IKZF1: variants seen among roughly 807,000 people sequenced by gnomAD.
IKZF1 encodes the protein DNA-binding protein Ikaros.
Under a neutral mutation model 51.7 loss-of-function variants are expected in IKZF1, and 10 were observed. The observed-to-expected ratio is 0.19, with a 90% CI of 0.12 to 0.33. The LOEUF is 0.33. Ranked by LOEUF, IKZF1 falls within the 10% of genes least tolerant of loss-of-function variation. The pLI is 1.00. For missense variants in IKZF1, 484 were observed against 707.5 expected, an observed-to-expected ratio of 0.68 and a Z score of 3.58; for synonymous variants, 280 against 282.3, an observed-to-expected ratio of 0.99 and a Z score of 0.08.
chr7:50,311,368 T>C (rs1164413042), intron 1 of IKZF1, among the ~76,000 whole-genome samples: 2 of 152,256 alleles, frequency 1.3e-5, no homozygotes, highest in Non-Finnish European at 2.9e-5. Flanking sequence ...ATGTAGATTT[T>C]GTAGATCTTG....
chr7:50,379,568 G>T (rs764452326), intron 4 of IKZF1, among the ~76,000 whole-genome samples: 4 of 152,200 alleles, frequency 2.6e-5, no homozygotes, highest in Non-Finnish European at 5.9e-5. Context: ...GAGGTAGGAA[G>T]GAAGCAGGAA....
rs144022871 is a variant in IKZF1, at chr7:50,330,891, G to A, written c.160+3134G>A. Among the ~76,000 whole-genome samples, 243 of 152,248 alleles carry A rather than the reference G, an allele frequency of 1.6e-3. 1 individual carries two copies. The highest frequency in any genetic ancestry group is 5.7e-3 in the African/African-American group (237 of 41,550). ...GAAATGCAGGGTGAGCAGCAGGGGC[G>A]GAGAGTGCCCTGTGGGTAAGGCACA... is the stretch of plus-strand genomic sequence containing the variant. On this transcript the variant is annotated intron_variant, in intron 3 of 7. Transcript: ENST00000331340.
rs190721675 is a variant in IKZF1 at position 50,404,224 on chromosome 7, C to G, written c.*3597C>G. 7.8e-5 allele frequency: 17 copies of G among 217,122 alleles called. No individual in the cohort carries two copies. In the Admixed American group the frequency reaches 9.9e-4, roughly 13 times the overall value. The allele number at this position is 217,122 out of a possible 1,614,324, so 13.4% of individuals were successfully genotyped here. A position where few individuals can be genotyped will look rare whatever the true frequency, so the allele number is the denominator to read the frequency against. ...GTCGAATCTGTTGTATCCAGTACAGCTTTAGGTCTTCAGCTGCCCTTCTGG... is the reference window on the plus strand; with the variant it reads ...GTCGAATCTGTTGTATCCAGTACAGGTTTAGGTCTTCAGCTGCCCTTCTGG... On this transcript the variant is annotated 3_prime_UTR_variant, in exon 8 of 8. Transcript: ENST00000331340.
chr7:50,401,436 C>T lies in IKZF1; in HGVS notation c.*809C>T, dbSNP rs879479483. 2.2e-5 allele frequency: 5 copies of T among 226,138 alleles called. No homozygotes were observed. In the Admixed American group the frequency reaches 2.3e-4, roughly 10 times the overall value. 14.0% of individuals were successfully genotyped at this position (226,138 alleles called of 1,614,324 possible). On this transcript the variant is annotated 3_prime_UTR_variant, in exon 8 of 8. Coordinates refer to ENST00000331340, the MANE Select transcript of IKZF1 (RefSeq NM_006060.6). ...TGGGCATATCTGGGGAGCCCTGTTC[C>T]CCGCTTTTTCACTCCCATACCTTTA... is the stretch of plus-strand genomic sequence containing the variant.
chr7:50,376,612 G>A lies in IKZF1; in HGVS notation c.240G>A (p.Glu80=), dbSNP rs1200615398. Reference sequence around the variant, plus strand: ...AAATGAATGGGGAAGAATGTGCGGAGGATTTACGAATGCTTGATGCCTCGG... The same window carrying A: ...AAATGAATGGGGAAGAATGTGCGGAAGATTTACGAATGCTTGATGCCTCGG... The part of the protein sequence containing the change: ...ACEMNGEECA[E]DLRMLDASGE... Residue 80 remains glutamate (E), a synonymous_variant, in exon 4 of 8, where the codon GAG becomes GAA. Coordinates refer to ENST00000331340, the MANE Select transcript of IKZF1 (RefSeq NM_006060.6). The surrounding 1 kb of genome is among the most constrained non-coding windows in gnomAD (Gnocchi z 4.5). 2.5e-6 allele frequency: 4 copies of A among 1,613,972 alleles called. No individual in the cohort carries two copies. The highest frequency in any genetic ancestry group is 1.7e-5 in the Admixed American group (1 of 60,010).
At chr7:50,399,799 C>G in intron 7 of IKZF1, 119 bp from the exon 8 acceptor site, 1 of 1,440,154 alleles carries the variant, frequency 6.9e-7, no homozygotes, top group Admixed American at 2.7e-5. Flanking sequence ...CGCAGGCGTG[C>G]TGGGCCCCCA....
intron 3 of IKZF1, among the ~76,000 whole-genome samples, chr7:50,343,292 A>G (rs1799542336): frequency 1.5e-5 from 2 of 137,338 alleles, no homozygotes; most frequent in African/African-American, 2.8e-5. Flanking sequence ...TCTTTTCTCC[A>G]TCCCTTTCTT....
In IKZF1 at chr7:50,401,503, C is replaced by T. The variant is rs1818122195; in HGVS notation, c.*876C>T. ...GTCACTACAATTTAAACACCAGTCC[C>T]GAAATTTGGATCTTCTTTCTTTTTG... On this transcript the variant is annotated 3_prime_UTR_variant, in exon 8 of 8. Coordinates refer to ENST00000331340, the MANE Select transcript of IKZF1 (RefSeq NM_006060.6). 1 of 223,730 alleles carries T rather than the reference C, an allele frequency of 4.5e-6. No homozygotes were observed. 13.9% of individuals were successfully genotyped at this position (223,730 alleles called of 1,614,324 possible).
At chr7:50,345,398 A>G (rs1800100352) in intron 3 of IKZF1, among the ~76,000 whole-genome samples, 2 of 152,254 alleles carry the variant, frequency 1.3e-5, no homozygotes, top group African/African-American at 4.8e-5. Context: ...CATAAGACCT[A>G]GTTCCGTTGT....
chr7:50,309,126 G>A (rs967875998), intron 1 of IKZF1, among the ~76,000 whole-genome samples: 7 of 152,166 alleles, frequency 4.6e-5, no homozygotes, highest in Admixed American at 1.3e-4. Flanking sequence ...CTGATAGCTC[G>A]TGGCGCGGGG....
chr7:50,335,450 T>G lies in IKZF1; in HGVS notation c.160+7693T>G. ...GTGTGTATGGGATGTGTGGTGTGTGTGTGGTGTGTATGTGTGTATGGGATG... is the reference window on the plus strand; with the variant it reads ...GTGTGTATGGGATGTGTGGTGTGTGGGTGGTGTGTATGTGTGTATGGGATG... On this transcript the variant is annotated intron_variant, in intron 3 of 7. Coordinates refer to ENST00000331340, the MANE Select transcript of IKZF1 (RefSeq NM_006060.6). 2.2e-5 allele frequency among the ~76,000 whole-genome samples: 3 copies of G among 138,066 alleles called. 1 individual carries two copies. The highest frequency in any genetic ancestry group is 5.6e-5 in the African/African-American group (2 of 35,412). 90.6% of individuals were successfully genotyped at this position (138,066 alleles called of 152,430 possible).
At chr7:50,345,234 A>G (rs1049666881) in intron 3 of IKZF1, among the ~76,000 whole-genome samples, 10 of 152,130 alleles carry the variant, frequency 6.6e-5, no homozygotes, top group African/African-American at 9.7e-5. Flanking sequence ...ATTCATGGGT[A>G]TATACTATGG....
intron 3 of IKZF1, among the ~76,000 whole-genome samples, chr7:50,365,202 AT>A (rs1297066981): frequency 7.2e-5 from 11 of 152,158 alleles, no homozygotes; most frequent in Non-Finnish European, 1.6e-4. Flanking sequence ...GAGTTTCCAC[AT>A]TTGCTGTTGT....
At chr7:50,354,183 C>A (rs1802620694) in intron 3 of IKZF1, among the ~76,000 whole-genome samples, 1 of 152,224 alleles carries the variant, frequency 6.6e-6, no homozygotes, top group Admixed American at 6.5e-5. Context: ...GCACCCTCCA[C>A]AGCAAGCCCA....
Position 50,401,166 on chromosome 7 carries a change from T to G in IKZF1, c.*539T>G. ...GCCAACAACCTGTGCCCAGGCCAGCTTCGAGCTACATGCATCTAGGGCGGA... is the reference window on the plus strand; with the variant it reads ...GCCAACAACCTGTGCCCAGGCCAGCGTCGAGCTACATGCATCTAGGGCGGA... On this transcript the variant is annotated 3_prime_UTR_variant, in exon 8 of 8. Transcript: ENST00000331340. 4.1e-6 allele frequency: 1 copy of G among 242,002 alleles called. No homozygotes were observed. Among genetic ancestry groups the G allele is most frequent in the Non-Finnish European group, 8.0e-6 (1 of 124,730 alleles). 15.0% of individuals were successfully genotyped at this position (242,002 alleles called of 1,614,324 possible).
In IKZF1 at chr7:50,400,620, T is replaced by A. The variant is rs763387904; in HGVS notation, c.1553T>A (p.Met518Lys). 5.0e-6 allele frequency: 8 copies of A among 1,608,824 alleles called. No homozygotes were observed. The Admixed American group carries it at 1.3e-4, about 27-fold the overall frequency. ...HITRGEHRFH[M>K]S ...ACGCGAGGGGAGCACCGCTTCCACA[T>A]GAGCTAAAGCCCTCCCGCGCCCCCA... is the stretch of plus-strand genomic sequence containing the variant. The change falls in exon 8 of 8, where the codon ATG becomes AAG. Residue 518 changes from methionine (M) to lysine (K), a missense_variant. Physicochemically the swap from Met to Lys is moderately conservative, Grantham distance 95. Transcript: ENST00000331340. The surrounding 1 kb of genome is among the most constrained non-coding windows in gnomAD (Gnocchi z 5.4).
At chr7:50,374,624 A>G (rs1809697494) in intron 3 of IKZF1, among the ~76,000 whole-genome samples, 1 of 152,214 alleles carries the variant, frequency 6.6e-6, no homozygotes, top group African/African-American at 2.4e-5. Flanking sequence ...GGGTTAGGTG[A>G]AAGACTGTAC....
In IKZF1 at chr7:50,356,602, C is replaced by T. The variant is rs117381919; in HGVS notation, c.161-19931C>T. On this transcript the variant is annotated intron_variant, in intron 3 of 7. Coordinates refer to ENST00000331340, the MANE Select transcript of IKZF1 (RefSeq NM_006060.6). ...ATGGCTTTGTCTGTGTGTGTGCGCA[C>T]GCACTCTGCTAAGCTACTCAATGCA... Among the ~76,000 whole-genome samples the T allele has an allele frequency of 9.7e-3, 1,481 of 152,294 alleles. 8 individuals are homozygous for T. The highest frequency in any genetic ancestry group is 0.017 in the Middle Eastern group (5 of 294).
intron 1 of IKZF1, among the ~76,000 whole-genome samples, chr7:50,305,496 T>G (rs1467707633): frequency 1.3e-5 from 2 of 152,250 alleles, no homozygotes; most frequent in African/African-American, 4.8e-5. Flanking sequence ...CAAGCATCGC[T>G]GCTGATGCCT....
Sources: allele counts gnomAD v4.1 joint callset (sites outside exome capture counted in the v4.1 genomes callset), GRCh38; gene constraint gnomAD v4.1.1; non-coding constraint Gnocchi (gnomAD v3.1); transcripts MANE v1.5; gene names NCBI Gene and HGNC (gene_info 2026-07-23, HGNC 2026-07-21).